The following ITGAE variants were observed in gnomAD, a reference collection of about 807,000 sequenced individuals.
The protein encoded by ITGAE is integrin subunit alpha E, also known as integrin alpha-E.
In ITGAE, 99 loss-of-function variants were observed where a neutral mutation model predicts 136.5. That is an observed-to-expected ratio of 0.73 (90% confidence interval 0.62 to 0.86). ITGAE has a LOEUF of 0.86. ITGAE is among the 40% of genes least tolerant of loss of function. ITGAE has a pLI of 0.00. For missense variants in ITGAE, 1,447 were observed against 1,515.3 expected (o/e 0.95, Z 0.75); for synonymous variants, 613 against 591.8 (o/e 1.04, Z -0.52).
intron 1 of ITGAE, among the ~76,000 whole-genome samples, chr17:3,800,199 T>C (rs1281752528): frequency 6.6e-6 from 1 of 152,242 alleles, no homozygotes; most frequent in African/African-American, 2.4e-5. Flanking sequence ...CTACACATTG[T>C]GGCCTGCTTC....
intron 20 of ITGAE, among the ~76,000 whole-genome samples, chr17:3,737,051 T>C (rs578011742): frequency 6.6e-6 from 1 of 152,052 alleles, no homozygotes; most frequent in East Asian, 2.0e-4. Context: ...CCCAGCACTT[T>C]GGGAGGTGAG....
At chr17:3,801,042 T>C in intron 1 of ITGAE, 69 bp downstream of exon 1, 2 of 1,540,990 alleles carry the variant, frequency 1.3e-6, no homozygotes, top group Non-Finnish European at 1.8e-6. Flanking sequence ...GTCAAGGCTG[T>C]AGTCTGCAGA....
intron 24 of ITGAE, 47 bp downstream of exon 24, chr17:3,729,431 C>T (rs1225389722): frequency 1.7e-6 from 2 of 1,199,314 alleles, no homozygotes; most frequent in East Asian, 2.3e-5. Context: ...AAAGCTGCCC[C>T]CTGGGCGATG....
intron 2 of ITGAE, among the ~76,000 whole-genome samples, chr17:3,768,990 G>A (rs572399938): frequency 3.3e-5 from 5 of 152,256 alleles, no homozygotes; most frequent in African/African-American, 1.2e-4. Flanking sequence ...CCTCTGTTCC[G>A]GCTCTGCAGC....
chr17:3,771,785 C>T (rs2052430005), intron 2 of ITGAE, among the ~76,000 whole-genome samples: 3 of 152,190 alleles, frequency 2.0e-5, no homozygotes, highest in Admixed American at 6.5e-5. Context: ...GACCCGCCCG[C>T]CTTGGCCTCC....
Position 3,798,865 on chromosome 17 carries a change from G to T in ITGAE, c.34+2246C>A, listed in dbSNP as rs1308926491. Among the ~76,000 whole-genome samples the T allele has an allele frequency of 2.0e-5, 3 of 152,180 alleles. No individual in the cohort carries two copies. Among genetic ancestry groups the T allele is most frequent in the Non-Finnish European group, 4.4e-5 (3 of 68,018 alleles). ...AGGGTAAGAGGGCATGATGGGGCTG[G>T]TGGTCAGGGTGTGGACAGTTCCAGG... On this transcript the variant is annotated intron_variant, in intron 1 of 30. Transcript: ENST00000263087. The surrounding 1 kb of genome is among the most constrained non-coding windows in gnomAD (Gnocchi z 4.3).
At chr17:3,723,953 G>C (rs769748302) in intron 26 of ITGAE, 2 of 1,561,716 alleles carry the variant, frequency 1.3e-6, no homozygotes, top group South Asian at 2.3e-5. Flanking sequence ...CTTCGCTCCC[G>C]GGACCTGGGA....
intron 2 of ITGAE, among the ~76,000 whole-genome samples, chr17:3,767,384 C>T (rs2052325539): frequency 6.6e-6 from 1 of 152,030 alleles, no homozygotes; most frequent in Non-Finnish European, 1.5e-5. Context: ...AGGTGTGAGC[C>T]ACCACACCCG....
In ITGAE at chr17:3,794,045, C is replaced by T. The variant is rs1211213325; in HGVS notation, c.34+7066G>A. On this transcript the variant is annotated intron_variant, in intron 1 of 30. Transcript: ENST00000263087. ...CCAGGCTGGAGTGCAATGGCACGAT[C>T]TCGGCTCATTGCAACCTCCGCCTCC... Among the ~76,000 whole-genome samples, 9 of 137,080 alleles carry T rather than the reference C, an allele frequency of 6.6e-5. No homozygotes were observed. In the Admixed American group the frequency reaches 6.7e-4, roughly 10 times the overall value. 89.9% of individuals were successfully genotyped at this position (137,080 alleles called of 152,430 possible). A position where few individuals can be genotyped will look rare whatever the true frequency, so the allele number is the denominator to read the frequency against.
At chr17:3,763,992 T>A in intron 2 of ITGAE, 32 bp from the exon 3 acceptor site, 1 of 1,494,866 alleles carries the variant, frequency 6.7e-7, no homozygotes, top group Non-Finnish European at 9.3e-7. Context: ...AAAGCTGAGC[T>A]GGCTGATGTT....
intron 1 of ITGAE, among the ~76,000 whole-genome samples, chr17:3,789,558 TG>T (rs1187834310): frequency 2.0e-5 from 3 of 149,862 alleles, no homozygotes; most frequent in Non-Finnish European, 4.4e-5. Context: ...TGGAGTGCAG[TG>T]GTGCAATCTC....
intron 1 of ITGAE, among the ~76,000 whole-genome samples, chr17:3,782,883 ACACT>A (rs1224659945): frequency 6.6e-6 from 1 of 152,188 alleles, no homozygotes; most frequent in Non-Finnish European, 1.5e-5. Context: ...ACGGGAAGAC[ACACT>A]CACCCATTTA....
intron 11 of ITGAE, 152 bp downstream of exon 11, chr17:3,755,678 A>G (rs1597337177): frequency 1.8e-6 from 1 of 555,202 alleles, no homozygotes; most frequent in Non-Finnish European, 3.1e-6. Context: ...AAATAAATAA[A>G]TAAATTAATT....
At chr17:3,735,051 T>G (rs910811336) in intron 20 of ITGAE, 102 bp from the exon 21 acceptor site, 8 of 1,305,072 alleles carry the variant, frequency 6.1e-6, no homozygotes, top group Non-Finnish European at 5.4e-6. Context: ...GGTGCTGTGG[T>G]GCAATGATCA....
At chr17:3,757,615 G>A in intron 9 of ITGAE, 91 bp downstream of exon 9, 10 of 1,370,308 alleles carry the variant, frequency 7.3e-6, no homozygotes, top group Non-Finnish European at 1.0e-5. Context: ...TGGATAAGCT[G>A]CTTACAGAAA....
At chr17:3,747,825 C>T in intron 17 of ITGAE, 97 bp downstream of exon 17, 1 of 196,302 alleles carries the variant, frequency 5.1e-6, no homozygotes, top group South Asian at 7.3e-5. Context: ...CCAACACCCA[C>T]CCACCCCCCG....
intron 3 of ITGAE, among the ~76,000 whole-genome samples, chr17:3,762,822 G>A (rs1426920010): frequency 1.3e-5 from 2 of 151,550 alleles, no homozygotes; most frequent in East Asian, 1.9e-4. Flanking sequence ...GGATGGTCTC[G>A]ATCTCCTGAC....
rs1240907806 is a variant in ITGAE, at chr17:3,761,181, T to TC, written c.434-5_434-4insG. ...GCATCTGGATCCAGGAGATTTTCTT[T>TC]AAAAACACACATGGAAGAGCTCAGA... On this transcript the variant is annotated splice_polypyrimidine_tract_variant and splice_region_variant and intron_variant, in intron 5 of 30. Transcript: ENST00000263087. 6.6e-7 allele frequency: 1 copy of TC among 1,511,840 alleles called. No homozygotes were observed. The highest frequency in any genetic ancestry group is 1.9e-5 in the Admixed American group (1 of 51,844). 93.7% of individuals were successfully genotyped at this position (1,511,840 alleles called of 1,614,324 possible). A position where few individuals can be genotyped will look rare whatever the true frequency, so the allele number is the denominator to read the frequency against.
chr17:3,759,027 A>G (rs1280848046), intron 8 of ITGAE, among the ~76,000 whole-genome samples: 1 of 150,706 alleles, frequency 6.6e-6, no homozygotes, highest in Non-Finnish European at 1.5e-5. Context: ...CGGGAGGCTG[A>G]GGCAGGAGAA....
Sources: allele counts gnomAD v4.1 joint callset (sites outside exome capture counted in the v4.1 genomes callset), GRCh38; gene constraint gnomAD v4.1.1; non-coding constraint Gnocchi (gnomAD v3.1); transcripts MANE v1.5; gene names NCBI Gene and HGNC (gene_info 2026-07-23, HGNC 2026-07-21).